RNF216: variants seen among roughly 807,000 people sequenced by gnomAD.
RNF216 encodes ring finger protein 216.
In RNF216, 72 loss-of-function variants were observed where a neutral mutation model predicts 110.8. The ratio of observed to expected loss-of-function variants is 0.65; its 90% CI spans 0.54 to 0.79. The LOEUF is 0.79. Ranked by LOEUF, RNF216 falls within the 30% of genes least tolerant of loss-of-function variation. RNF216 has a pLI of 0.00. For synonymous variants in RNF216, 495 were observed against 407.5 expected (o/e 1.21, Z -2.59); for missense variants, 1,342 against 1,141.2 (o/e 1.18, Z -2.54).
Position 5,737,037 on chromosome 7 carries a change from T to C in RNF216, c.1121+2239A>G, listed in dbSNP as rs184256035. On this transcript the variant is annotated intron_variant, in intron 5 of 16. Coordinates refer to ENST00000389902, the MANE Select transcript of RNF216 (RefSeq NM_207111.4). Reference sequence around the variant, plus strand: ...TCTGGGAGGTGTTCCCAACAGCTTATTGAGAACGGGCCATGATGACGATGA... The same window carrying C: ...TCTGGGAGGTGTTCCCAACAGCTTACTGAGAACGGGCCATGATGACGATGA... Among the ~76,000 whole-genome samples, 574 of 152,356 alleles carry C rather than the reference T, an allele frequency of 3.8e-3. 3 individuals are homozygous for C. Among genetic ancestry groups the C allele is most frequent in the African/African-American group, 0.013 (555 of 41,576 alleles).
chr7:5,679,157 G>A (rs1790494800), intron 13 of RNF216, among the ~76,000 whole-genome samples: 1 of 152,154 alleles, frequency 6.6e-6, no homozygotes, highest in African/African-American at 2.4e-5. Context: ...CCTCCTAACA[G>A]ACTTTTCAGG....
chr7:5,743,742 C>T (rs1399041622), intron 3 of RNF216, among the ~76,000 whole-genome samples: 1 of 152,198 alleles, frequency 6.6e-6, no homozygotes, highest in South Asian at 2.1e-4. Context: ...TCTGGGAAGT[C>T]CCTAGAAGAA....
intron 13 of RNF216, among the ~76,000 whole-genome samples, chr7:5,701,530 T>C (rs1263486657): frequency 6.6e-6 from 1 of 152,200 alleles, no homozygotes; most frequent in Non-Finnish European, 1.5e-5. Context: ...GCTGTTTCCA[T>C]TGGTTTTGCA....
intron 5 of RNF216, among the ~76,000 whole-genome samples, chr7:5,736,888 C>T (rs560793405): frequency 1.4e-4 from 21 of 151,726 alleles, no homozygotes; most frequent in African/African-American, 1.9e-4. Flanking sequence ...GCCCGGCAGC[C>T]GCCCCGTCCG....
intron 13 of RNF216, among the ~76,000 whole-genome samples, chr7:5,678,707 G>A (rs183315336): frequency 6.6e-6 from 1 of 152,240 alleles, no homozygotes; most frequent in Non-Finnish European, 1.5e-5. Flanking sequence ...TACCCTCCAA[G>A]CACGCTTCCA....
At chr7:5,648,368 A>C (rs1788176742) in intron 14 of RNF216, among the ~76,000 whole-genome samples, 1 of 151,132 alleles carries the variant, frequency 6.6e-6, no homozygotes. Flanking sequence ...CAGCCTCCCA[A>C]AGTGCTGGGG....
intron 5 of RNF216, among the ~76,000 whole-genome samples, chr7:5,739,020 A>C (rs952612668): frequency 6.6e-6 from 1 of 152,202 alleles, no homozygotes; most frequent in Non-Finnish European, 1.5e-5. Flanking sequence ...CCAAATCCAT[A>C]TAGAAAGAAA....
chr7:5,718,339 C>T (rs2128634019), intron 9 of RNF216, among the ~76,000 whole-genome samples: 1 of 152,246 alleles, frequency 6.6e-6, no homozygotes, highest in Non-Finnish European at 1.5e-5. Context: ...CGAGATCCTG[C>T]CACTGCACTC....
intron 13 of RNF216, among the ~76,000 whole-genome samples, chr7:5,672,900 C>T (rs576379961): frequency 2.0e-5 from 3 of 152,294 alleles, no homozygotes; most frequent in Non-Finnish European, 4.4e-5. Context: ...CTACTGGATT[C>T]TATCGTTTGA....
chr7:5,753,623 T>C (rs1490136246), intron 2 of RNF216, among the ~76,000 whole-genome samples: 1 of 152,214 alleles, frequency 6.6e-6, no homozygotes, highest in African/African-American at 2.4e-5. Flanking sequence ...ATGTTTGATA[T>C]GAATTACTGG....
At position 5,620,068 on chromosome 7, in the gene RNF216, A is replaced by T. The variant is rs1786258003; in HGVS notation, c.*2792T>A. The T allele has an allele frequency of 6.6e-6, 1 of 152,264 alleles. No homozygotes were observed. Among genetic ancestry groups the T allele is most frequent in the Non-Finnish European group, 1.5e-5 (1 of 68,046 alleles). The allele number at this position is 152,264 out of a possible 1,614,324, so 9.4% of individuals were successfully genotyped here. A position where few individuals can be genotyped will look rare whatever the true frequency, so the allele number is the denominator to read the frequency against. On this transcript the variant is annotated 3_prime_UTR_variant, in exon 17 of 17. Coordinates refer to ENST00000389902, the MANE Select transcript of RNF216 (RefSeq NM_207111.4). ...GAGGGAGCAGAGCGCACAAACATTT[A>T]TTTACAAAAGTCCCAGTTACATATG...
rs772284581 is a variant in RNF216, at chr7:5,631,783, A to G, written c.2383-7658T>C. On this transcript the variant is annotated intron_variant, in intron 15 of 16. Coordinates refer to ENST00000389902, the MANE Select transcript of RNF216 (RefSeq NM_207111.4). ...AGCCGTAATTCCTCACCAGAGATCA[A>G]TCCTGGGAACATTCTGATATCTTTT... Among the ~76,000 whole-genome samples the G allele has an allele frequency of 6.4e-4, 98 of 152,334 alleles. 2 individuals are homozygous for G. The highest frequency in any genetic ancestry group is 6.2e-4 in the South Asian group (3 of 4,828).
chr7:5,624,093 C>G lies in RNF216; in HGVS notation c.2415G>C (p.Gln805His). 1 of 1,613,850 alleles carries G rather than the reference C, an allele frequency of 6.2e-7. No homozygotes were observed. Among genetic ancestry groups the G allele is most frequent in the Non-Finnish European group, 8.5e-7 (1 of 1,179,964 alleles). ...TTTTCTGTTCCTCTTCAGCCTCCTT[C>G]TGGATTTCCTCAATAAGCTTCTCAT... is the stretch of plus-strand genomic sequence containing the variant. ...EDDEKLIEEIQKEAEEEQKRK... is the reference protein window; with the variant it reads ...EDDEKLIEEIHKEAEEEQKRK... The change falls in exon 16 of 17, where the codon CAG (glutamine) becomes CAC (histidine). Residue 805 changes from glutamine to histidine, a missense_variant. Gln to His is a conservative substitution (Grantham distance 24). Transcript: ENST00000389902. The surrounding 1 kb of genome is among the most constrained non-coding windows in gnomAD (Gnocchi z 4.4).
chr7:5,740,424 C>T (rs1011410512), intron 4 of RNF216, among the ~76,000 whole-genome samples: 2 of 152,154 alleles, frequency 1.3e-5, no homozygotes, highest in African/African-American at 4.8e-5. Flanking sequence ...GCACGCCCAG[C>T]CCTTGTGTTA....
At chr7:5,781,317 C>A (rs1247444101) in intron 1 of RNF216, among the ~76,000 whole-genome samples, 4 of 152,128 alleles carry the variant, frequency 2.6e-5, no homozygotes, top group African/African-American at 7.2e-5. Flanking sequence ...CCGCTCAGCG[C>A]CTTTGTCGCT....
chr7:5,781,098 A>C (rs1039853646), intron 1 of RNF216, among the ~76,000 whole-genome samples: 13 of 152,168 alleles, frequency 8.5e-5, no homozygotes, highest in Non-Finnish European at 1.6e-4. Context: ...GAAGAGGAGG[A>C]AAAACGCCGC....
chr7:5,774,235 T>C lies in RNF216; in HGVS notation c.-70+7306A>G, dbSNP rs145813542. ...GCTCCAGATAAATTGTTCAATCTCCTAGGCCAATTTCCTCATTTGTAAAAT... is the reference window on the plus strand; with the variant it reads ...GCTCCAGATAAATTGTTCAATCTCCCAGGCCAATTTCCTCATTTGTAAAAT... On this transcript the variant is annotated intron_variant, in intron 1 of 16. Coordinates refer to ENST00000389902, the MANE Select transcript of RNF216 (RefSeq NM_207111.4). Among the ~76,000 whole-genome samples the C allele has an allele frequency of 1.8e-3, 281 of 152,348 alleles. 1 individual carries two copies. The highest frequency in any genetic ancestry group is 6.3e-3 in the African/African-American group (261 of 41,582).
chr7:5,664,528 A>G (rs1262370264), intron 13 of RNF216, among the ~76,000 whole-genome samples: 1 of 152,186 alleles, frequency 6.6e-6, no homozygotes, highest in South Asian at 2.1e-4. Context: ...TCTCTCTTCA[A>G]TCAGGATAAA....
chr7:5,720,357 T>C (rs1793341576), intron 9 of RNF216, among the ~76,000 whole-genome samples: 1 of 152,218 alleles, frequency 6.6e-6, no homozygotes, highest in South Asian at 2.1e-4. Context: ...ATGAAATATA[T>C]TTTCCTTCTC....
Sources: gnomAD v4.1 joint callset for allele counts (sites outside exome capture counted in the v4.1 genomes callset) on GRCh38, gnomAD v4.1.1 for gene constraint, Gnocchi (gnomAD v3.1) non-coding constraint, MANE v1.5 for transcripts, NCBI Gene and HGNC (gene_info 2026-07-23, HGNC 2026-07-21) for gene names.